The following KCND2 variants were observed in gnomAD, a reference collection of about 807,000 sequenced individuals.
The protein encoded by KCND2 is A-type voltage-gated potassium channel KCND2.
KCND2 carries 16 observed loss-of-function variants against 54.4 expected under a neutral mutation model. That is an observed-to-expected ratio of 0.29 (90% CI 0.20 to 0.45). The LOEUF is 0.45. Among genes scored for constraint, KCND2 ranks in the 20% least tolerant of loss-of-function variants. The pLI, the probability that KCND2 is intolerant of heterozygous loss-of-function variation, is 1.00. For synonymous variants in KCND2, 317 were observed against 310.7 expected (o/e 1.02, Z -0.21); for missense variants, 486 against 824.2 (o/e 0.59, Z 5.02).
intron 1 of KCND2, among the ~76,000 whole-genome samples, chr7:120,409,663 A>G (rs933431690): frequency 1.3e-5 from 2 of 151,584 alleles, no homozygotes; most frequent in Non-Finnish European, 2.9e-5. Context: ...GCATCTTTTC[A>G]TGTTTTTTGG....
intron 1 of KCND2, among the ~76,000 whole-genome samples, chr7:120,634,831 AG>A (rs1284075321): frequency 1.1e-4 from 17 of 152,142 alleles, no homozygotes; most frequent in Admixed American, 9.8e-4. Context: ...CTTGCAGGGT[AG>A]GGGTCTTCCC....
chr7:120,383,236 T>C (rs1800937905), intron 1 of KCND2, among the ~76,000 whole-genome samples: 1 of 151,994 alleles, frequency 6.6e-6, no homozygotes, highest in South Asian at 2.1e-4. Context: ...CTCTTTTTCA[T>C]TGGCCAGATT....
chr7:120,622,756 C>A (rs896991095), intron 1 of KCND2, among the ~76,000 whole-genome samples: 1 of 149,744 alleles, frequency 6.7e-6, no homozygotes, highest in Non-Finnish European at 1.5e-5. Flanking sequence ...CACATGCAAA[C>A]ATTTTATACC....
rs116684412 is a variant in KCND2 at position 120,378,290 on chromosome 7, G to A, written c.1115+102543G>A. On this transcript the variant is annotated intron_variant, in intron 1 of 5. Transcript: ENST00000331113. The stretch of plus-strand genomic sequence containing the variant: ...GAAAAGATGACTTATACTAGCGGCA[G>A]AATCATGAAAAACCAAGTATGATAT... Among the ~76,000 whole-genome samples, 938 of 152,006 alleles carry A rather than the reference G, an allele frequency of 6.2e-3. 7 individuals carry two copies. The highest frequency in any genetic ancestry group is 0.021 in the African/African-American group (866 of 41,482).
At chr7:120,484,227 C>G (rs1015468437) in intron 1 of KCND2, among the ~76,000 whole-genome samples, 3 of 152,008 alleles carry the variant, frequency 2.0e-5, no homozygotes, top group Non-Finnish European at 4.4e-5. Context: ...TGTTTCCTTT[C>G]CAGTAGTTAT....
intron 1 of KCND2, among the ~76,000 whole-genome samples, chr7:120,580,199 G>A (rs1365689538): frequency 6.6e-6 from 1 of 152,136 alleles, no homozygotes; most frequent in Non-Finnish European, 1.5e-5. Flanking sequence ...ATTTCCAATG[G>A]GGGAAAATGT....
At chr7:120,630,288 A>G (rs552029873) in intron 1 of KCND2, among the ~76,000 whole-genome samples, 1 of 152,316 alleles carries the variant, frequency 6.6e-6, no homozygotes, top group East Asian at 1.9e-4. Context: ...CCGAGGCACT[A>G]TAGTATCCTA....
intron 1 of KCND2, among the ~76,000 whole-genome samples, chr7:120,621,479 A>T (rs111727260): frequency 0.013 from 1,929 of 152,010 alleles, 16 homozygotes; most frequent in Non-Finnish European, 0.02. Context: ...ACCCCCAAAT[A>T]CAGGTCGATA....
At chr7:120,366,160 TA>T (rs1800675220) in intron 1 of KCND2, among the ~76,000 whole-genome samples, 1 of 151,622 alleles carries the variant, frequency 6.6e-6, no homozygotes, top group Admixed American at 6.6e-5. Context: ...ACAAGCAGGG[TA>T]GTGTGTATAG....
chr7:120,726,692 T>C (rs1479452100), intron 1 of KCND2, among the ~76,000 whole-genome samples: 1 of 152,210 alleles, frequency 6.6e-6, no homozygotes, highest in African/African-American at 2.4e-5. Flanking sequence ...ATACTTACAC[T>C]CCAAATACTG....
chr7:120,627,593 T>G (rs1793179196), intron 1 of KCND2, among the ~76,000 whole-genome samples: 1 of 152,134 alleles, frequency 6.6e-6, no homozygotes, highest in Non-Finnish European at 1.5e-5. Context: ...TCTATGTCCT[T>G]CTAGCAGTCA....
intron 1 of KCND2, among the ~76,000 whole-genome samples, chr7:120,616,550 A>G (rs548700806): frequency 6.6e-6 from 1 of 152,320 alleles, no homozygotes; most frequent in South Asian, 2.1e-4. Context: ...ACCACTCACG[A>G]AGACTAGTCA....
intron 1 of KCND2, among the ~76,000 whole-genome samples, chr7:120,297,334 T>C (rs1799526606): frequency 6.6e-6 from 1 of 152,124 alleles, no homozygotes; most frequent in Non-Finnish European, 1.5e-5. Context: ...TCTGAGTTGT[T>C]TTATTTAAAA....
At chr7:120,678,555 A>T in intron 1 of KCND2, among the ~76,000 whole-genome samples, 1 of 147,796 alleles carries the variant, frequency 6.8e-6, no homozygotes, top group Non-Finnish European at 1.5e-5. Flanking sequence ...ATGTGTATGT[A>T]TGTAAATGTA....
chr7:120,590,798 T>C lies in KCND2; in HGVS notation c.1116-142105T>C, dbSNP rs571916157. Among the ~76,000 whole-genome samples the C allele has an allele frequency of 6.1e-4, 93 of 152,328 alleles. 2 individuals are homozygous for C. In the South Asian group the frequency reaches 0.018, roughly 29 times the overall value. ...TAGAATTTTTTACTGAATCACACTT[T>C]AGTGCTATGGATTTCTTATCTAGTT... On this transcript the variant is annotated intron_variant, in intron 1 of 5. Coordinates refer to ENST00000331113, the MANE Select transcript of KCND2 (RefSeq NM_012281.3).
intron 1 of KCND2, among the ~76,000 whole-genome samples, chr7:120,514,062 A>G (rs1803160615): frequency 1.3e-5 from 2 of 152,118 alleles, no homozygotes; most frequent in African/African-American, 4.8e-5. Context: ...ATTGAGGTCA[A>G]TGGGATATAT....
intron 1 of KCND2, among the ~76,000 whole-genome samples, chr7:120,482,135 A>C (rs1481157725): frequency 6.6e-6 from 1 of 152,130 alleles, no homozygotes; most frequent in Non-Finnish European, 1.5e-5. Flanking sequence ...AGCCAAAGGA[A>C]ATTATTTTCC....
chr7:120,605,640 C>T (rs1792873161), intron 1 of KCND2, among the ~76,000 whole-genome samples: 1 of 152,138 alleles, frequency 6.6e-6, no homozygotes, highest in African/African-American at 2.4e-5. Context: ...TGAGGTACTT[C>T]CAAATTGTTT....
At chr7:120,283,366 A>G (rs1240401947) in intron 1 of KCND2, among the ~76,000 whole-genome samples, 3 of 152,184 alleles carry the variant, frequency 2.0e-5, no homozygotes, top group Admixed American at 2.0e-4. Flanking sequence ...TGGTAGGGAT[A>G]GGATATGATT....
Sources: allele counts gnomAD v4.1 joint callset (sites outside exome capture counted in the v4.1 genomes callset), GRCh38; gene constraint gnomAD v4.1.1; transcripts MANE v1.5; gene names NCBI Gene and HGNC (gene_info 2026-07-23, HGNC 2026-07-21).